CACHD1: variants seen among roughly 807,000 people sequenced by gnomAD.
The protein encoded by CACHD1 is cache domain containing 1.
Under a neutral mutation model 138.7 loss-of-function variants are expected in CACHD1, and 71 were observed. The observed-to-expected ratio is 0.51, with a 90% confidence interval of 0.42 to 0.62. The LOEUF (loss-of-function observed/expected upper bound fraction) is 0.62, where lower values mean the gene tolerates loss of function less well. Among genes scored for constraint, CACHD1 ranks in the 20% least tolerant of loss-of-function variants. CACHD1 has a pLI of 0.00. For missense variants in CACHD1, 1,389 were observed against 1,625.3 expected (o/e 0.85, Z 2.50); for synonymous variants, 578 against 591.5 (o/e 0.98, Z 0.33).
chr1:64,574,228 TGGGC>T lies in CACHD1; in HGVS notation c.262-7927_262-7924del, dbSNP rs772303467. On this transcript the variant is annotated intron_variant, in intron 2 of 26. Transcript: ENST00000651257. ...TTTCTACCTTTACTCAGCACGAGCT[TGGGC>T]AAACCACTGAGCCTCGATTTCCTTG... is the stretch of plus-strand genomic sequence containing the variant. Among the ~76,000 whole-genome samples, 46 of 152,222 alleles carry T rather than the reference TGGGC, an allele frequency of 3.0e-4. 1 individual carries two copies. The highest frequency in any genetic ancestry group is 2.1e-3 in the Admixed American group (32 of 15,284).
At position 64,634,107 on chromosome 1, in the gene CACHD1, T is replaced by C; in HGVS notation, c.853T>C (p.Phe285Leu). The change falls in exon 7 of 27, where the codon TTC (phenylalanine) becomes CTC (leucine). Residue 285 changes from phenylalanine to leucine, a missense_variant. Coordinates refer to ENST00000651257, the MANE Select transcript of CACHD1 (RefSeq NM_020925.4). The stretch of plus-strand genomic sequence containing the variant: ...CTCACTAGACCAGTGCTATAAGACC[T>C]TCTTGTCTCCAGCCACCAGTGAGAC... The part of the protein sequence containing the change: ...TCSLDQCYKT[F>L]LSPATSETKR... The C allele has an allele frequency of 6.2e-7, 1 of 1,613,376 alleles. No homozygotes were observed. The highest frequency in any genetic ancestry group is 8.5e-7 in the Non-Finnish European group (1 of 1,179,732).
chr1:64,664,459 T>A, intron 14 of CACHD1, 39 bp from the exon 15 acceptor site: 1 of 1,596,334 alleles, frequency 6.3e-7, no homozygotes, highest in African/African-American at 1.3e-5. Context: ...TTCATGTGAG[T>A]TTTAAAGGAT....
intron 4 of CACHD1, among the ~76,000 whole-genome samples, chr1:64,606,575 G>A (rs1266690033): frequency 6.6e-6 from 1 of 152,138 alleles, no homozygotes; most frequent in Non-Finnish European, 1.5e-5. Flanking sequence ...CATGTGGTGG[G>A]GTAGTTACAT....
intron 10 of CACHD1, 30 bp from the exon 11 acceptor site, chr1:64,653,728 A>G: frequency 6.2e-7 from 1 of 1,602,802 alleles, no homozygotes. Context: ...CATGTTTCTT[A>G]TTAACATGCA....
intron 3 of CACHD1, among the ~76,000 whole-genome samples, chr1:64,591,872 T>A (rs1647109126): frequency 6.6e-6 from 1 of 152,218 alleles, no homozygotes; most frequent in Non-Finnish European, 1.5e-5. Flanking sequence ...ATGTACTCTC[T>A]CATCTTTCTT....
intron 1 of CACHD1, among the ~76,000 whole-genome samples, chr1:64,532,072 GC>G (rs1363225222): frequency 1.3e-5 from 2 of 152,156 alleles, no homozygotes; most frequent in Non-Finnish European, 2.9e-5. Context: ...ATAGCGTGAG[GC>G]CCCCAATGCA....
intron 1 of CACHD1, among the ~76,000 whole-genome samples, chr1:64,525,894 T>G (rs996263390): frequency 6.6e-6 from 1 of 152,264 alleles, no homozygotes; most frequent in Non-Finnish European, 1.5e-5. Flanking sequence ...ACAATTTTTC[T>G]GTTTTTGTTC....
In CACHD1 at chr1:64,553,605, A is replaced by G. The variant is rs533967885; in HGVS notation, c.261+2949A>G. 3.3e-5 allele frequency among the ~76,000 whole-genome samples: 5 copies of G among 152,356 alleles called. No homozygotes were observed. The East Asian group carries it at 9.6e-4, about 29-fold the overall frequency. ...ATATATGGAGACGTGTAAAACATAC[A>G]TATAAATAAATATATTAAAATGAAC... On this transcript the variant is annotated intron_variant, in intron 2 of 26. Coordinates refer to ENST00000651257, the MANE Select transcript of CACHD1 (RefSeq NM_020925.4).
chr1:64,663,573 A>T (rs1250898961), intron 13 of CACHD1, 122 bp from the exon 14 acceptor site: 28 of 1,224,678 alleles, frequency 2.3e-5, no homozygotes, highest in Non-Finnish European at 3.1e-5. Flanking sequence ...AAAGAAAAAA[A>T]GGAAAAAAAA....
At chr1:64,482,461 G>C (rs1176215655) in intron 1 of CACHD1, among the ~76,000 whole-genome samples, 4 of 152,210 alleles carry the variant, frequency 2.6e-5, no homozygotes, top group South Asian at 2.1e-4. Context: ...GCAGGAGACA[G>C]CCAGTGCTTT....
At chr1:64,521,461 T>G (rs1468126030) in intron 1 of CACHD1, among the ~76,000 whole-genome samples, 1 of 152,238 alleles carries the variant, frequency 6.6e-6, no homozygotes, top group East Asian at 1.9e-4. Flanking sequence ...ATGTAACATA[T>G]ATAATATGTG....
intron 1 of CACHD1, among the ~76,000 whole-genome samples, chr1:64,544,333 C>G (rs867565811): frequency 7.9e-5 from 12 of 152,314 alleles, no homozygotes; most frequent in Admixed American, 2.6e-4. Flanking sequence ...ATTTCAATAT[C>G]TAGTTAAAAT....
chr1:64,540,513 A>T (rs1490961259), intron 1 of CACHD1, among the ~76,000 whole-genome samples: 1 of 152,196 alleles, frequency 6.6e-6, no homozygotes, highest in Non-Finnish European at 1.5e-5. Flanking sequence ...AATTTATTTG[A>T]CATTTTTCCT....
chr1:64,507,605 C>T (rs779130028), intron 1 of CACHD1, among the ~76,000 whole-genome samples: 4 of 152,082 alleles, frequency 2.6e-5, no homozygotes, highest in Admixed American at 6.5e-5. Flanking sequence ...AGTAGGAATC[C>T]GCAGACAGCC....
chr1:64,678,263 G>T lies in CACHD1; in HGVS notation c.3197G>T (p.Gly1066Val), dbSNP rs1650059744. ...GCCCCCCAGAAAGAATGCTTCGGGG[G>T]GATTGTGGGAGCCAAAAGTCCCTAC... ...YCAPQKECFG[G>V]IVGAKSPYVD... Residue 1066 changes from glycine (G) to valine (V), a missense_variant, in exon 23 of 27, where the codon GGG becomes GTG. By Grantham distance (109) the Gly-to-Val change is moderately radical. Coordinates refer to ENST00000651257, the MANE Select transcript of CACHD1 (RefSeq NM_020925.4). 4 of 1,602,244 alleles carry T rather than the reference G, an allele frequency of 2.5e-6. No individual in the cohort carries two copies. The highest frequency in any genetic ancestry group is 3.4e-6 in the Non-Finnish European group (4 of 1,175,986).
chr1:64,671,836 T>A, intron 17 of CACHD1, 150 bp downstream of exon 17: 1 of 921,272 alleles, frequency 1.1e-6, no homozygotes, highest in East Asian at 2.5e-5. Flanking sequence ...TTTTTGTTCT[T>A]TTTCTCTTCT....
At chr1:64,560,411 A>G (rs1646829902) in intron 2 of CACHD1, among the ~76,000 whole-genome samples, 1 of 152,080 alleles carries the variant, frequency 6.6e-6, no homozygotes, top group Admixed American at 6.6e-5. Context: ...TTCTATCATC[A>G]TTCAGTTTTA....
chr1:64,505,416 G>A (rs1646364829), intron 1 of CACHD1, among the ~76,000 whole-genome samples: 1 of 152,100 alleles, frequency 6.6e-6, no homozygotes, highest in Admixed American at 6.5e-5. Flanking sequence ...TCCTCCTGCT[G>A]CACCCTTGGA....
intron 1 of CACHD1, among the ~76,000 whole-genome samples, chr1:64,524,742 G>A: frequency 6.6e-6 from 1 of 152,142 alleles, no homozygotes; most frequent in Non-Finnish European, 1.5e-5. Flanking sequence ...TCCTTGAAAT[G>A]TTTTTAAGTT....
Sources: gnomAD v4.1 joint callset for allele counts (sites outside exome capture counted in the v4.1 genomes callset) on GRCh38, gnomAD v4.1.1 for gene constraint, MANE v1.5 for transcripts, NCBI Gene and HGNC (gene_info 2026-07-23, HGNC 2026-07-21) for gene names.